DAB1: variants seen among roughly 807,000 people sequenced by gnomAD.
The protein encoded by DAB1 is DAB adaptor protein 1, also known as disabled homolog 1.
In DAB1, 15 loss-of-function variants were observed where a neutral mutation model predicts 64.6. The ratio of observed to expected loss-of-function variants is 0.23; its 90% CI spans 0.16 to 0.36. The LOEUF is 0.36. DAB1 is among the 10% of genes least tolerant of loss of function. DAB1 has a pLI of 1.00. For missense variants in DAB1, 596 were observed against 706.7 expected (o/e 0.84, Z 1.78); for synonymous variants, 235 against 251.9 (o/e 0.93, Z 0.64).
chr1:57,161,174 G>A (rs1354416109), intron 2 of DAB1, among the ~76,000 whole-genome samples: 1 of 152,168 alleles, frequency 6.6e-6, no homozygotes, highest in African/African-American at 2.4e-5. Flanking sequence ...GTCTGAAAGA[G>A]TCTTGATATG....
chr1:57,731,279 TAA>T (rs1647401344), intron 6 of DAB1, among the ~76,000 whole-genome samples: 2 of 152,210 alleles, frequency 1.3e-5, no homozygotes, highest in African/African-American at 4.8e-5. Context: ...GTCAAACTCA[TAA>T]AGACAGACAG....
intron 1 of DAB1, among the ~76,000 whole-genome samples, chr1:57,843,454 A>G (rs2101918567): frequency 6.6e-6 from 1 of 152,264 alleles, no homozygotes; most frequent in African/African-American, 2.4e-5. Context: ...TACCCACCTC[A>G]AGGGGTTACC....
chr1:57,455,711 G>A (rs867976919), intron 7 of DAB1, among the ~76,000 whole-genome samples: 1 of 152,132 alleles, frequency 6.6e-6, no homozygotes, highest in African/African-American at 2.4e-5. Flanking sequence ...GGTCTAGAAG[G>A]CAGGGCCCTA....
chr1:57,397,138 C>A (rs1259481015), intron 1 of DAB1, among the ~76,000 whole-genome samples: 2 of 152,136 alleles, frequency 1.3e-5, no homozygotes, highest in Non-Finnish European at 2.9e-5. Context: ...CCTTAATTTT[C>A]TCAGCTTGTA....
At chr1:58,102,784 G>C (rs760380648) in intron 5 of DAB1, among the ~76,000 whole-genome samples, 1 of 152,078 alleles carries the variant, frequency 6.6e-6, no homozygotes, top group Admixed American at 6.5e-5. Context: ...AAAGCCTCTC[G>C]ACCAATCATT....
chr1:58,414,424 TTA>T (rs1377679742), intron 3 of DAB1, among the ~76,000 whole-genome samples: 1 of 152,234 alleles, frequency 6.6e-6, no homozygotes, highest in Non-Finnish European at 1.5e-5. Flanking sequence ...ATTGCCTGTT[TTA>T]TTCTGTGTGT....
Position 58,187,402 on chromosome 1 carries a change from C to T in DAB1, n.310-36814G>A, listed in dbSNP as rs903347314. Among the ~76,000 whole-genome samples the T allele has an allele frequency of 4.0e-5, 6 of 151,072 alleles. No homozygotes were observed. In the South Asian group the frequency reaches 1.3e-3, roughly 32 times the overall value. Reference sequence around the variant, plus strand: ...TGAAGTGGGAGGATTACTTGAGCCTCGGAGTTTAGGTTGTAGTGAGCTACA... The same window carrying T: ...TGAAGTGGGAGGATTACTTGAGCCTTGGAGTTTAGGTTGTAGTGAGCTACA... On this transcript the variant is annotated intron_variant and non_coding_transcript_variant, in intron 4 of 20. Transcript: ENST00000485760.
At chr1:58,093,895 T>C (rs1390493460) in intron 5 of DAB1, among the ~76,000 whole-genome samples, 1 of 152,146 alleles carries the variant, frequency 6.6e-6, no homozygotes, top group Non-Finnish European at 1.5e-5. Flanking sequence ...CCTTGGTTCA[T>C]TGCTTGCCCT....
At chr1:58,459,392 T>A (rs967808826) in intron 3 of DAB1, among the ~76,000 whole-genome samples, 4 of 152,226 alleles carry the variant, frequency 2.6e-5, no homozygotes, top group African/African-American at 9.7e-5. Context: ...TGGGGCAGGA[T>A]AATCAACTTG....
chr1:57,545,855 T>A (rs2691448), intron 7 of DAB1, among the ~76,000 whole-genome samples: 137,986 of 152,212 alleles, frequency 0.91, 64,091 homozygotes, highest in East Asian at 1. Flanking sequence ...TACTTTGTAC[T>A]TTATGGATGC....
intron 5 of DAB1, among the ~76,000 whole-genome samples, chr1:58,087,797 A>G (rs1393809322): frequency 6.6e-6 from 1 of 152,244 alleles, no homozygotes; most frequent in African/African-American, 2.4e-5. Flanking sequence ...CTACGTAACG[A>G]CATCTATGGA....
chr1:57,770,707 T>G (rs1649520631), intron 6 of DAB1, among the ~76,000 whole-genome samples: 1 of 152,146 alleles, frequency 6.6e-6, no homozygotes. Flanking sequence ...ATAGTTTAAA[T>G]GAGAAAAGAA....
rs1303442166 is a variant in DAB1 at position 57,140,859 on chromosome 1, A to T, written c.208-4218T>A. Among the ~76,000 whole-genome samples the T allele has an allele frequency of 5.3e-5, 8 of 152,144 alleles. 1 individual carries two copies. The East Asian group carries it at 1.5e-3, about 29-fold the overall frequency. On this transcript the variant is annotated intron_variant, in intron 3 of 14. Coordinates refer to ENST00000371236, the MANE Select transcript of DAB1 (RefSeq NM_001365792.1). ...CGATGGAGGACGTTACATATAGAGAAAAGGTCAGGCATGCCAAGCAAGAGT... is the reference window on the plus strand; with the variant it reads ...CGATGGAGGACGTTACATATAGAGATAAGGTCAGGCATGCCAAGCAAGAGT...
intron 3 of DAB1, among the ~76,000 whole-genome samples, chr1:58,374,655 T>C (rs370356889): frequency 1.2e-4 from 16 of 131,648 alleles, no homozygotes; most frequent in Non-Finnish European, 1.6e-4. Flanking sequence ...ATTGACTTGG[T>C]GATGCGGGCT....
intron 5 of DAB1, among the ~76,000 whole-genome samples, chr1:58,015,776 G>C (rs967505920): frequency 1.3e-5 from 2 of 152,182 alleles, no homozygotes; most frequent in African/African-American, 4.8e-5. Flanking sequence ...GGTCGGGATT[G>C]AGAATCACAG....
rs570991912 is a variant in DAB1 at position 57,868,722 on chromosome 1, C to T, written n.87+15277G>A. Among the ~76,000 whole-genome samples the T allele has an allele frequency of 5.9e-5, 9 of 152,198 alleles. No individual in the cohort carries two copies. The South Asian group carries it at 1.2e-3, about 21-fold the overall frequency. On this transcript the variant is annotated intron_variant and non_coding_transcript_variant, in intron 1 of 1. Transcript: ENST00000477280. ...TCAGTGTTATTCCCAGAGGCTATCACGGTGCCTGACACATAGTAGGCACTT... is the reference window on the plus strand; with the variant it reads ...TCAGTGTTATTCCCAGAGGCTATCATGGTGCCTGACACATAGTAGGCACTT...
At chr1:57,433,636 A>G (rs113467210) in intron 7 of DAB1, among the ~76,000 whole-genome samples, 12 of 152,240 alleles carry the variant, frequency 7.9e-5, no homozygotes, top group African/African-American at 2.6e-4. Flanking sequence ...ATCACTGAAC[A>G]TGAGAAAATG....
intron 7 of DAB1, among the ~76,000 whole-genome samples, chr1:57,613,257 C>T (rs977875546): frequency 1.3e-5 from 2 of 152,312 alleles, no homozygotes; most frequent in East Asian, 1.9e-4. Flanking sequence ...CAAAGACATA[C>T]ACATTTTAAA....
chr1:57,173,679 A>G (rs1288810964), intron 2 of DAB1, among the ~76,000 whole-genome samples: 2 of 152,216 alleles, frequency 1.3e-5, no homozygotes, highest in African/African-American at 4.8e-5. Flanking sequence ...CTTTCTCTCA[A>G]ACATTTCATA....
Sources: allele counts gnomAD v4.1 joint callset (sites outside exome capture counted in the v4.1 genomes callset), GRCh38; gene constraint gnomAD v4.1.1; transcripts MANE v1.5; gene names NCBI Gene and HGNC (gene_info 2026-07-23, HGNC 2026-07-21).